DPP10: variants seen among roughly 807,000 people sequenced by gnomAD.
The protein encoded by DPP10 is dipeptidyl peptidase like 10, also known as inactive dipeptidyl peptidase 10.
In DPP10, 33 loss-of-function variants were observed where a neutral mutation model predicts 120.9. That is an observed-to-expected ratio of 0.27 (90% CI 0.21 to 0.37). The LOEUF (loss-of-function observed/expected upper bound fraction) is 0.37. Among genes scored for constraint, DPP10 ranks in the 10% least tolerant of loss-of-function variants. The pLI is 1.00. For synonymous variants in DPP10, 337 were observed against 326.1 expected, an observed-to-expected ratio of 1.03 and a Z score of -0.36; for missense variants, 816 against 942.8, an observed-to-expected ratio of 0.87 and a Z score of 1.76.
At chr2:115,110,524 TAA>T (rs1261193384) in intron 1 of DPP10, among the ~76,000 whole-genome samples, 2 of 152,124 alleles carry the variant, frequency 1.3e-5, no homozygotes, top group East Asian at 1.9e-4. Context: ...TATTTTACTA[TAA>T]GTTACATTAT....
chr2:114,474,337 G>A (rs1004940795), intron 1 of DPP10, among the ~76,000 whole-genome samples: 3 of 152,178 alleles, frequency 2.0e-5, no homozygotes, highest in Non-Finnish European at 2.9e-5. Context: ...AATGAGGAAC[G>A]TAAAATTGCA....
intron 3 of DPP10, among the ~76,000 whole-genome samples, chr2:115,361,112 A>G (rs981008877): frequency 1.3e-5 from 2 of 152,002 alleles, no homozygotes; most frequent in African/African-American, 4.8e-5. Context: ...AGGATGGCAG[A>G]TAGGCCACAC....
At chr2:115,826,413 A>T (rs1688320455) in intron 21 of DPP10, among the ~76,000 whole-genome samples, 1 of 151,780 alleles carries the variant, frequency 6.6e-6, no homozygotes, top group Non-Finnish European at 1.5e-5. Context: ...TGATTAGTTG[A>T]CCTCTTTATT....
At chr2:114,479,554 A>C (rs1680824914) in intron 1 of DPP10, among the ~76,000 whole-genome samples, 1 of 152,178 alleles carries the variant, frequency 6.6e-6, no homozygotes, top group African/African-American at 2.4e-5. Flanking sequence ...CCTCAGAAAT[A>C]ATGCCGCATA....
At chr2:115,676,228 T>C (rs1349037244) in intron 5 of DPP10, among the ~76,000 whole-genome samples, 1 of 152,176 alleles carries the variant, frequency 6.6e-6, no homozygotes, top group African/African-American at 2.4e-5. Flanking sequence ...CCATGGCAAA[T>C]AATCACAGAA....
At chr2:115,603,008 G>A (rs887911244) in intron 5 of DPP10, among the ~76,000 whole-genome samples, 4 of 152,022 alleles carry the variant, frequency 2.6e-5, no homozygotes, top group African/African-American at 9.7e-5. Flanking sequence ...GTTACCTTCG[G>A]AAAGTTGGTG....
At chr2:115,759,123 A>G (rs957137202) in intron 11 of DPP10, among the ~76,000 whole-genome samples, 3 of 152,192 alleles carry the variant, frequency 2.0e-5, no homozygotes, top group African/African-American at 7.2e-5. Context: ...TACAGTCTGG[A>G]AGAAAATATT....
At chr2:114,882,989 T>G (rs1195811105) in intron 1 of DPP10, among the ~76,000 whole-genome samples, 1 of 152,230 alleles carries the variant, frequency 6.6e-6, no homozygotes, top group East Asian at 1.9e-4. Flanking sequence ...ATTTCATTCT[T>G]ACATCCATTC....
At chr2:115,619,398 G>C (rs985793476) in intron 5 of DPP10, among the ~76,000 whole-genome samples, 1 of 152,008 alleles carries the variant, frequency 6.6e-6, no homozygotes, top group African/African-American at 2.4e-5. Context: ...TAAAATTCAA[G>C]TCTGGATATA....
intron 1 of DPP10, among the ~76,000 whole-genome samples, chr2:114,814,247 G>C (rs1256782679): frequency 1.3e-5 from 2 of 152,148 alleles, no homozygotes; most frequent in African/African-American, 2.4e-5. Context: ...AGCTTTCAGA[G>C]GATGGCAGCT....
At chr2:115,766,916 C>T (rs1162776129) in intron 12 of DPP10, among the ~76,000 whole-genome samples, 4 of 152,154 alleles carry the variant, frequency 2.6e-5, no homozygotes, top group Admixed American at 6.5e-5. Flanking sequence ...GACTCACCCC[C>T]GTGATCCAGT....
intron 1 of DPP10, among the ~76,000 whole-genome samples, chr2:115,025,765 T>A (rs10153649): frequency 0.02 from 2,983 of 151,206 alleles, 94 homozygotes; most frequent in African/African-American, 0.07. Context: ...GATGTTGAGC[T>A]TTTTTTTATA....
chr2:114,959,531 A>T (rs1473807238), intron 1 of DPP10, among the ~76,000 whole-genome samples: 1 of 152,204 alleles, frequency 6.6e-6, no homozygotes, highest in Non-Finnish European at 1.5e-5. Context: ...TAACACTGTA[A>T]ACATTTATGT....
intron 1 of DPP10, among the ~76,000 whole-genome samples, chr2:115,223,384 C>T (rs1267854798): frequency 1.3e-5 from 2 of 152,042 alleles, no homozygotes; most frequent in African/African-American, 4.8e-5. Flanking sequence ...GTCAGTTGCT[C>T]TTTATGGAGG....
At chr2:114,967,255 A>C (rs983030679) in intron 1 of DPP10, among the ~76,000 whole-genome samples, 11 of 152,214 alleles carry the variant, frequency 7.2e-5, no homozygotes, top group Admixed American at 3.3e-4. Context: ...AATTATTGGA[A>C]CAGTGCTATG....
chr2:115,414,628 T>C (rs1206201029), intron 3 of DPP10, among the ~76,000 whole-genome samples: 4 of 152,190 alleles, frequency 2.6e-5, no homozygotes, highest in Admixed American at 2.0e-4. Flanking sequence ...TTGAGCGTGA[T>C]ATGTATGTAC....
intron 1 of DPP10, among the ~76,000 whole-genome samples, chr2:114,929,603 A>G (rs1248016697): frequency 6.6e-6 from 1 of 152,178 alleles, no homozygotes; most frequent in Non-Finnish European, 1.5e-5. Flanking sequence ...GTCAGACCTT[A>G]TGGTTATCTC....
At chr2:114,525,990 A>G (rs1333925533) in intron 1 of DPP10, among the ~76,000 whole-genome samples, 2 of 152,224 alleles carry the variant, frequency 1.3e-5, no homozygotes, top group East Asian at 3.8e-4. Flanking sequence ...CATGAGAAAT[A>G]TGAGCATAAT....
chr2:114,666,531 A>G (rs1697936093), intron 1 of DPP10, among the ~76,000 whole-genome samples: 1 of 152,204 alleles, frequency 6.6e-6, no homozygotes, highest in Non-Finnish European at 1.5e-5. Context: ...TGAAGGAGGA[A>G]AATTTAGAAT....
Sources: gnomAD v4.1 joint callset for allele counts (sites outside exome capture counted in the v4.1 genomes callset) on GRCh38, gnomAD v4.1.1 for gene constraint, MANE v1.5 for transcripts, NCBI Gene and HGNC (gene_info 2026-07-23, HGNC 2026-07-21) for gene names.